Variants in CDH13 observed in about 807,000 individuals in gnomAD.
CDH13 encodes the protein cadherin-13.
CDH13 carries 24 observed loss-of-function variants against 63.8 expected under a neutral mutation model. That is an observed-to-expected ratio of 0.38 (90% CI 0.27 to 0.53). The LOEUF (loss-of-function observed/expected upper bound fraction) is 0.53. Among genes scored for constraint, CDH13 ranks in the 20% least tolerant of loss-of-function variants. CDH13 has a pLI of 0.85. For missense variants in CDH13, 1,049 were observed against 903.1 expected, an observed-to-expected ratio of 1.16 and a Z score of -2.07; for synonymous variants, 503 against 355.3, an observed-to-expected ratio of 1.42 and a Z score of -4.67.
In CDH13 at chr16:83,510,461, A is replaced by G. The variant is rs143961357; in HGVS notation, c.960+23806A>G. 9.9e-3 allele frequency among the ~76,000 whole-genome samples: 1,510 copies of G among 152,348 alleles called. 12 individuals are homozygous for G. The highest frequency in any genetic ancestry group is 0.051 in the Middle Eastern group (15 of 294). On this transcript the variant is annotated intron_variant, in intron 7 of 13. Transcript: ENST00000567109. The stretch of plus-strand genomic sequence containing the variant: ...GATATTAAAAATACACAACACACCA[A>G]TGAAGGAATAATTTTCTTTTGCAAA...
At chr16:83,420,358 A>G (rs988395471) in intron 6 of CDH13, among the ~76,000 whole-genome samples, 6 of 152,204 alleles carry the variant, frequency 3.9e-5, no homozygotes, top group Non-Finnish European at 8.8e-5. Context: ...ATTCTCAAGC[A>G]GCGTTCAGAC....
At chr16:83,230,817 G>A (rs1034303594) in intron 5 of CDH13, among the ~76,000 whole-genome samples, 4 of 152,322 alleles carry the variant, frequency 2.6e-5, no homozygotes, top group Non-Finnish European at 5.9e-5. Context: ...AAACTGAGAA[G>A]ACAAGTATTT....
intron 4 of CDH13, among the ~76,000 whole-genome samples, chr16:83,209,731 G>C (rs2039285511): frequency 6.6e-6 from 1 of 152,128 alleles, no homozygotes; most frequent in Non-Finnish European, 1.5e-5. Context: ...CCCACCAAGA[G>C]GCAAGGTGCT....
chr16:83,294,020 G>C (rs776214163), intron 5 of CDH13, among the ~76,000 whole-genome samples: 39 of 152,178 alleles, frequency 2.6e-4, no homozygotes, highest in South Asian at 1.2e-3. Context: ...AAGTTGTGTA[G>C]CTAGGACATA....
At chr16:83,433,940 G>A (rs570420030) in intron 6 of CDH13, among the ~76,000 whole-genome samples, 7 of 152,112 alleles carry the variant, frequency 4.6e-5, no homozygotes, top group Admixed American at 2.6e-4. Context: ...TTTCCTTTGC[G>A]TTGGGGGGGA....
intron 1 of CDH13, among the ~76,000 whole-genome samples, chr16:82,726,587 A>G (rs978369902): frequency 6.6e-6 from 1 of 152,184 alleles, no homozygotes; most frequent in Non-Finnish European, 1.5e-5. Flanking sequence ...GCTTATTTCA[A>G]GCACCGCTTG....
intron 1 of CDH13, 121 bp from the exon 2 acceptor site, chr16:82,858,241 T>G: frequency 1.6e-6 from 1 of 640,636 alleles, no homozygotes; most frequent in Non-Finnish European, 2.8e-6. Context: ...TCAACTTACC[T>G]CTTCATTTGG....
chr16:82,736,087 T>C (rs1414752441), intron 1 of CDH13, among the ~76,000 whole-genome samples: 1 of 152,216 alleles, frequency 6.6e-6, no homozygotes, highest in Non-Finnish European at 1.5e-5. Context: ...TTAATTCCCC[T>C]GAGTTTCCAA....
intron 7 of CDH13, among the ~76,000 whole-genome samples, chr16:83,493,573 A>T (rs1351883442): frequency 1.3e-5 from 2 of 152,172 alleles, no homozygotes; most frequent in Non-Finnish European, 2.9e-5. Context: ...ATCGTGGGGA[A>T]AGGAGTGGCA....
intron 1 of CDH13, among the ~76,000 whole-genome samples, chr16:82,633,910 C>G (rs1908335488): frequency 1.3e-5 from 2 of 152,214 alleles, no homozygotes; most frequent in Middle Eastern, 3.2e-3. Context: ...CCCCAAAGAT[C>G]AGAGTAAATA....
At chr16:83,089,416 A>G (rs960061853) in intron 3 of CDH13, among the ~76,000 whole-genome samples, 1 of 152,248 alleles carries the variant, frequency 6.6e-6, no homozygotes, top group Non-Finnish European at 1.5e-5. Flanking sequence ...ACAATAGTGA[A>G]CGAAAAACTT....
At chr16:83,120,984 G>A (rs373060823) in intron 3 of CDH13, among the ~76,000 whole-genome samples, 12 of 151,878 alleles carry the variant, frequency 7.9e-5, no homozygotes, top group South Asian at 4.2e-4. Flanking sequence ...GCCTGGTCTC[G>A]AACTCCTGAC....
At position 83,479,070 on chromosome 16, in the gene CDH13, G is replaced by C. The variant is rs541788188; in HGVS notation, c.782-7407G>C. ...GTTATCTTTCATCAACTAGTCATTC[G>C]ACAGTTTCCCTATCAATTGCTGTCT... is the stretch of plus-strand genomic sequence containing the variant. On this transcript the variant is annotated intron_variant, in intron 6 of 13. Coordinates refer to ENST00000567109, the MANE Select transcript of CDH13 (RefSeq NM_001257.5). Among the ~76,000 whole-genome samples the C allele has an allele frequency of 7.6e-4, 115 of 152,244 alleles. 2 individuals carry two copies. In the South Asian group the frequency reaches 0.021, roughly 28 times the overall value.
At chr16:83,299,283 T>G (rs2089675671) in intron 5 of CDH13, among the ~76,000 whole-genome samples, 1 of 84,926 alleles carries the variant, frequency 1.2e-5, no homozygotes, top group African/African-American at 4.8e-5. Flanking sequence ...GGATTGTTTA[T>G]CAGGCCATGA....
At chr16:83,065,505 A>G (rs1597258432) in intron 3 of CDH13, among the ~76,000 whole-genome samples, 1 of 152,110 alleles carries the variant, frequency 6.6e-6, no homozygotes, top group East Asian at 1.9e-4. Context: ...AGGAGTTCAA[A>G]ACCAGCCTGG....
chr16:83,326,211 A>G (rs1269883509), intron 5 of CDH13, among the ~76,000 whole-genome samples: 1 of 152,118 alleles, frequency 6.6e-6, no homozygotes, highest in Non-Finnish European at 1.5e-5. Flanking sequence ...TTTTCGCCGG[A>G]CAACAACAAC....
intron 1 of CDH13, among the ~76,000 whole-genome samples, chr16:82,676,795 C>A (rs1246546299): frequency 1.3e-5 from 2 of 152,194 alleles, no homozygotes; most frequent in African/African-American, 4.8e-5. Context: ...CAACTCCAGC[C>A]ACCCCAGTCC....
At chr16:83,048,697 A>G (rs990166287) in intron 3 of CDH13, among the ~76,000 whole-genome samples, 7 of 151,906 alleles carry the variant, frequency 4.6e-5, no homozygotes, top group African/African-American at 7.3e-5. Context: ...TTTTCATGAC[A>G]TATCCCTTCA....
chr16:82,656,794 G>A (rs1327247545), intron 1 of CDH13, among the ~76,000 whole-genome samples: 1 of 152,014 alleles, frequency 6.6e-6, no homozygotes, highest in Non-Finnish European at 1.5e-5. Context: ...TATTTCCATA[G>A]CTTTGCCTTT....
Sources: allele counts gnomAD v4.1 joint callset (sites outside exome capture counted in the v4.1 genomes callset), GRCh38; gene constraint gnomAD v4.1.1; transcripts MANE v1.5; gene names NCBI Gene and HGNC (gene_info 2026-07-23, HGNC 2026-07-21).